The following KCND2 variants were observed in gnomAD, a reference collection of about 807,000 sequenced individuals.
The protein encoded by KCND2 is potassium voltage-gated channel subfamily D member 2.
Under a neutral mutation model 54.4 loss-of-function variants are expected in KCND2, and 16 were observed. The observed-to-expected ratio is 0.29, with a 90% CI of 0.20 to 0.45. The LOEUF (loss-of-function observed/expected upper bound fraction) is 0.45, where lower values mean the gene tolerates loss of function less well. Ranked by LOEUF, KCND2 falls within the 20% of genes least tolerant of loss-of-function variation. KCND2 has a pLI of 1.00. For missense variants in KCND2, 486 were observed against 824.2 expected (o/e 0.59, Z 5.02); for synonymous variants, 317 against 310.7 (o/e 1.02, Z -0.21).
intron 1 of KCND2, among the ~76,000 whole-genome samples, chr7:120,420,361 A>G (rs1204092761): frequency 6.6e-6 from 1 of 152,252 alleles, no homozygotes; most frequent in Non-Finnish European, 1.5e-5. Context: ...TCAATAGAAC[A>G]GGCTCAATAG....
intron 1 of KCND2, among the ~76,000 whole-genome samples, chr7:120,399,541 T>A (rs1801212472): frequency 6.6e-6 from 1 of 152,006 alleles, no homozygotes; most frequent in Admixed American, 6.6e-5. Flanking sequence ...GTATTAAAAT[T>A]TCCCATGTTT....
chr7:120,340,399 A>G (rs779172692), intron 1 of KCND2, among the ~76,000 whole-genome samples: 1 of 152,240 alleles, frequency 6.6e-6, no homozygotes, highest in Non-Finnish European at 1.5e-5. Context: ...AGCGGATGCT[A>G]TTGCCATCCA....
chr7:120,291,952 A>G (rs1400901028), intron 1 of KCND2, among the ~76,000 whole-genome samples: 1 of 151,834 alleles, frequency 6.6e-6, no homozygotes, highest in East Asian at 1.9e-4. Flanking sequence ...AACCTGTCCT[A>G]GCAAATGTCC....
chr7:120,313,461 A>T (rs149877739), intron 1 of KCND2, among the ~76,000 whole-genome samples: 236 of 152,318 alleles, frequency 1.5e-3, no homozygotes, highest in African/African-American at 5.5e-3. Flanking sequence ...ATATTATTAA[A>T]ATTTTAAAAC....
intron 1 of KCND2, among the ~76,000 whole-genome samples, chr7:120,380,821 A>G (rs1389189378): frequency 6.6e-6 from 1 of 152,118 alleles, no homozygotes; most frequent in Non-Finnish European, 1.5e-5. Context: ...ATAATCAGGA[A>G]TGCAGAATTT....
chr7:120,717,900 C>A (rs1792622691), intron 1 of KCND2, among the ~76,000 whole-genome samples: 1 of 152,100 alleles, frequency 6.6e-6, no homozygotes, highest in African/African-American at 2.4e-5. Flanking sequence ...AGGTCACTAA[C>A]AGCAAGAACT....
At chr7:120,530,456 T>A (rs976867664) in intron 1 of KCND2, among the ~76,000 whole-genome samples, 2 of 152,202 alleles carry the variant, frequency 1.3e-5, no homozygotes, top group Non-Finnish European at 2.9e-5. Flanking sequence ...TTACCCACCA[T>A]CCTTCTTTGA....
In KCND2 at chr7:120,273,224, T is replaced by C. The variant is rs986190442; in HGVS notation, c.-1409T>C. 2.0e-5 allele frequency among the ~76,000 whole-genome samples: 3 copies of C among 152,016 alleles called. No homozygotes were observed. The highest frequency in any genetic ancestry group is 7.2e-5 in the African/African-American group (3 of 41,418). On this transcript the variant is annotated 5_prime_UTR_variant, in exon 1 of 6. Coordinates refer to ENST00000331113, the MANE Select transcript of KCND2 (RefSeq NM_012281.3). ...CGCGGTTATTTATTTATTTTCTCCTTATTTATTGATCGCACTAGCAGAGCA... is the reference window on the plus strand; with the variant it reads ...CGCGGTTATTTATTTATTTTCTCCTCATTTATTGATCGCACTAGCAGAGCA...
chr7:120,697,301 T>A (rs1167429446), intron 1 of KCND2, among the ~76,000 whole-genome samples: 4 of 152,228 alleles, frequency 2.6e-5, no homozygotes, highest in African/African-American at 9.6e-5. Flanking sequence ...TGCCAACCAC[T>A]TAAAAGTTAA....
intron 1 of KCND2, among the ~76,000 whole-genome samples, chr7:120,292,374 G>A (rs1584715639): frequency 6.6e-6 from 1 of 151,726 alleles, no homozygotes; most frequent in South Asian, 2.1e-4. Context: ...CACCTTAGTG[G>A]CAAGTCATTA....
chr7:120,609,134 G>C (rs1175460626), intron 1 of KCND2, among the ~76,000 whole-genome samples: 1 of 151,860 alleles, frequency 6.6e-6, no homozygotes, highest in Non-Finnish European at 1.5e-5. Flanking sequence ...TTTCTGTACA[G>C]TTAAGAATAA....
chr7:120,552,207 A>G (rs1007210227), intron 1 of KCND2, among the ~76,000 whole-genome samples: 5 of 152,208 alleles, frequency 3.3e-5, no homozygotes, highest in Admixed American at 2.6e-4. Context: ...GTACCACAAG[A>G]ATTTACAAAA....
At chr7:120,539,026 A>G (rs1791946687) in intron 1 of KCND2, among the ~76,000 whole-genome samples, 2 of 152,180 alleles carry the variant, frequency 1.3e-5, no homozygotes, top group Admixed American at 6.5e-5. Flanking sequence ...AAATCACAAG[A>G]AATTGAGATA....
intron 1 of KCND2, among the ~76,000 whole-genome samples, chr7:120,422,676 C>T (rs534101666): frequency 6.6e-5 from 10 of 152,272 alleles, no homozygotes; most frequent in African/African-American, 2.4e-4. Context: ...TTCCGTCTGC[C>T]CTCCACCTCG....
At chr7:120,601,109 A>G (rs141507753) in intron 1 of KCND2, among the ~76,000 whole-genome samples, 1 of 152,258 alleles carries the variant, frequency 6.6e-6, no homozygotes, top group African/African-American at 2.4e-5. Context: ...GGTGCTGAGA[A>G]GAAAAAGATA....
At chr7:120,727,441 A>G (rs1212072189) in intron 1 of KCND2, among the ~76,000 whole-genome samples, 7 of 152,348 alleles carry the variant, frequency 4.6e-5, no homozygotes, top group Admixed American at 3.9e-4. Context: ...GTCTGCCTGA[A>G]TTAATCAGAT....
intron 1 of KCND2, among the ~76,000 whole-genome samples, chr7:120,322,617 T>A (rs1197934071): frequency 6.6e-6 from 1 of 152,166 alleles, no homozygotes; most frequent in East Asian, 1.9e-4. Flanking sequence ...TTTTTTTCAT[T>A]TACAAAGGAA....
intron 1 of KCND2, among the ~76,000 whole-genome samples, chr7:120,655,864 A>G (rs1791795091): frequency 6.6e-6 from 1 of 152,108 alleles, no homozygotes; most frequent in South Asian, 2.1e-4. Flanking sequence ...TCATTTTCCT[A>G]CAATAATAAT....
At chr7:120,616,892 T>C (rs1421486610) in intron 1 of KCND2, among the ~76,000 whole-genome samples, 1 of 152,186 alleles carries the variant, frequency 6.6e-6, no homozygotes, top group Non-Finnish European at 1.5e-5. Context: ...CTCTGCCCTC[T>C]GTGTTCTCAG....
Sources: allele counts gnomAD v4.1 joint callset (sites outside exome capture counted in the v4.1 genomes callset), GRCh38; gene constraint gnomAD v4.1.1; transcripts MANE v1.5; gene names NCBI Gene and HGNC (gene_info 2026-07-23, HGNC 2026-07-21).